Variants in HRH1 observed in about 807,000 individuals in gnomAD.
HRH1 encodes histamine receptor H1.
A neutral mutation model predicts 10.3 loss-of-function variants in HRH1; 6 were observed. The observed-to-expected ratio is 0.58, with a 90% CI of 0.32 to 1.15. HRH1 has a LOEUF of 1.15. HRH1 is among the 50% of genes most tolerant of loss of function. HRH1 has a pLI of 0.05. For missense variants in HRH1, 514 were observed against 615.3 expected (o/e 0.84, Z 1.74); for synonymous variants, 242 against 236.7 (o/e 1.02, Z -0.21).
At chr3:11,186,160 C>T (rs986278017) in intron 1 of HRH1, among the ~76,000 whole-genome samples, 8 of 152,084 alleles carry the variant, frequency 5.3e-5, no homozygotes, top group East Asian at 1.9e-4. Context: ...GTTTGGCATC[C>T]GGACAACTCC....
chr3:11,188,246 A>G (rs757321502), intron 1 of HRH1, among the ~76,000 whole-genome samples: 15 of 152,246 alleles, frequency 9.9e-5, no homozygotes, highest in South Asian at 2.1e-4. Context: ...CAGATTGATT[A>G]TATGTAAAGA....
chr3:11,188,861 A>G (rs1039897454), intron 1 of HRH1, among the ~76,000 whole-genome samples: 3 of 152,236 alleles, frequency 2.0e-5, no homozygotes, highest in African/African-American at 7.2e-5. Context: ...ATGTTAACAG[A>G]TCAGGTCCAC....
At chr3:11,183,738 G>A (rs943414876) in intron 1 of HRH1, among the ~76,000 whole-genome samples, 1 of 149,894 alleles carries the variant, frequency 6.7e-6, no homozygotes, top group African/African-American at 2.5e-5. Context: ...TTTTTTTTAA[G>A]AAGGAGTCTC....
At chr3:11,227,873 T>A (rs898154869) in intron 1 of HRH1, among the ~76,000 whole-genome samples, 1 of 152,144 alleles carries the variant, frequency 6.6e-6, no homozygotes, top group African/African-American at 2.4e-5. Flanking sequence ...GGCCAATTAA[T>A]CAGCAGGACA....
At chr3:11,169,707 T>G (rs1937116375) in intron 1 of HRH1, among the ~76,000 whole-genome samples, 1 of 152,164 alleles carries the variant, frequency 6.6e-6, no homozygotes, top group Non-Finnish European at 1.5e-5. Context: ...CTATTTCCCT[T>G]TGATAAAGCT....
In HRH1 at chr3:11,161,839, A is replaced by G. The variant is rs1362061079; in HGVS notation, c.-36+7285A>G. ...TCCATTAACAAGCCAGGAACTCAAGATGGAGTTTTCTCCCACTGGTCTCTC... is the reference window on the plus strand; with the variant it reads ...TCCATTAACAAGCCAGGAACTCAAGGTGGAGTTTTCTCCCACTGGTCTCTC... On this transcript the variant is annotated intron_variant, in intron 1 of 1. Transcript: ENST00000431010. 2.6e-5 allele frequency among the ~76,000 whole-genome samples: 4 copies of G among 152,196 alleles called. No homozygotes were observed. In the East Asian group the frequency reaches 7.7e-4, roughly 29 times the overall value.
At chr3:11,170,290 CA>C (rs1937127252) in intron 1 of HRH1, among the ~76,000 whole-genome samples, 1 of 152,244 alleles carries the variant, frequency 6.6e-6, no homozygotes, top group African/African-American at 2.4e-5. Context: ...AGCAGAAAAG[CA>C]AACCACAAAC....
At chr3:11,189,058 T>C (rs1476429493) in intron 1 of HRH1, among the ~76,000 whole-genome samples, 1 of 152,348 alleles carries the variant, frequency 6.6e-6, no homozygotes, top group East Asian at 1.9e-4. Flanking sequence ...TATATTTGCA[T>C]CAGTTATCTC....
chr3:11,260,438 C>T lies in HRH1; in HGVS notation c.1401C>T (p.Ile467=). 1.2e-6 allele frequency: 2 copies of T among 1,613,504 alleles called. No homozygotes were observed. The highest frequency in any genetic ancestry group is 1.7e-6 in the Non-Finnish European group (2 of 1,179,564). Residue 467 remains isoleucine, a synonymous_variant, in exon 2 of 2, where the codon ATC becomes ATT. Transcript: ENST00000431010. ...TCAACTCCACACTGAACCCCCTCAT[C>T]TACCCCTTGTGCAATGAGAACTTCA... ...GYINSTLNPL[I]YPLCNENFKK...
chr3:11,231,358 G>A (rs974399572), intron 1 of HRH1, among the ~76,000 whole-genome samples: 2 of 152,134 alleles, frequency 1.3e-5, no homozygotes, highest in African/African-American at 4.8e-5. Context: ...ATGTCCACGA[G>A]TGCAATTACT....
intron 1 of HRH1, among the ~76,000 whole-genome samples, chr3:11,215,503 C>G (rs544593344): frequency 2.0e-5 from 3 of 152,154 alleles, no homozygotes; most frequent in South Asian, 2.1e-4. Flanking sequence ...TGCAGTGGCA[C>G]GATCTCAGCT....
At chr3:11,210,363 C>T (rs1938285227) in intron 1 of HRH1, among the ~76,000 whole-genome samples, 1 of 152,090 alleles carries the variant, frequency 6.6e-6, no homozygotes, top group Non-Finnish European at 1.5e-5. Flanking sequence ...CCAGTGTATC[C>T]AGCCTGGGTG....
chr3:11,233,071 G>T (rs143794155), intron 1 of HRH1, among the ~76,000 whole-genome samples: 11 of 152,008 alleles, frequency 7.2e-5, no homozygotes, highest in Admixed American at 1.3e-4. Flanking sequence ...ATTATTATGT[G>T]CTTTGATGTA....
intron 1 of HRH1, among the ~76,000 whole-genome samples, chr3:11,195,153 A>G (rs1176464611): frequency 6.6e-6 from 1 of 152,188 alleles, no homozygotes; most frequent in Non-Finnish European, 1.5e-5. Context: ...GCATCCCTCC[A>G]GGACATTTTC....
chr3:11,138,704 ATTTTTT>A (rs35194961), intron 1 of HRH1, among the ~76,000 whole-genome samples: 2 of 139,388 alleles, frequency 1.4e-5, no homozygotes. Flanking sequence ...TCATAGCTGA[ATTTTTT>A]TTTTTTTTTT....
chr3:11,144,881 TAATA>T (rs1041521792), intron 1 of HRH1, among the ~76,000 whole-genome samples: 2 of 151,830 alleles, frequency 1.3e-5, no homozygotes, highest in South Asian at 2.1e-4. Flanking sequence ...AAAAAATATA[TAATA>T]AATAAATAAA....
chr3:11,178,463 C>T (rs938737546), intron 1 of HRH1, among the ~76,000 whole-genome samples: 7 of 152,234 alleles, frequency 4.6e-5, no homozygotes, highest in East Asian at 3.9e-4. Context: ...ACAGTTTCTG[C>T]GCAACCCTCT....
intron 1 of HRH1, among the ~76,000 whole-genome samples, chr3:11,139,714 G>A (rs571245024): frequency 3.3e-5 from 5 of 152,296 alleles, no homozygotes; most frequent in Admixed American, 2.0e-4. Flanking sequence ...ACCACAACAT[G>A]GGTAAAACTT....
At chr3:11,238,196 C>G (rs1939239405) in intron 1 of HRH1, among the ~76,000 whole-genome samples, 1 of 152,054 alleles carries the variant, frequency 6.6e-6, no homozygotes. Flanking sequence ...TCTCTTAAAC[C>G]AAATTATAAA....
Sources: gnomAD v4.1 joint callset for allele counts (sites outside exome capture counted in the v4.1 genomes callset) on GRCh38, gnomAD v4.1.1 for gene constraint, MANE v1.5 for transcripts, NCBI Gene and HGNC (gene_info 2026-07-23, HGNC 2026-07-21) for gene names.